GALNT10: variants seen among roughly 807,000 people sequenced by gnomAD.
GALNT10 encodes GalNAc transferase 10.
In GALNT10, 41 loss-of-function variants were observed where a neutral mutation model predicts 75.0. The observed-to-expected ratio is 0.55, with a 90% confidence interval of 0.43 to 0.71. The LOEUF is 0.71. Ranked by LOEUF, GALNT10 falls within the 30% of genes least tolerant of loss-of-function variation. The pLI is 0.00. For missense variants in GALNT10, 727 were observed against 818.5 expected (o/e 0.89, Z 1.36); for synonymous variants, 302 against 313.0 (o/e 0.96, Z 0.37).
intron 1 of GALNT10, among the ~76,000 whole-genome samples, chr5:154,212,966 TCAAA>T (rs1752786944): frequency 6.9e-6 from 1 of 145,678 alleles, no homozygotes; most frequent in African/African-American, 2.5e-5. Flanking sequence ...AGATTCCATC[TCAAA>T]AAAAAAAAAA....
intron 3 of GALNT10, among the ~76,000 whole-genome samples, chr5:154,303,510 T>A (rs153430): frequency 0.99 from 150,394 of 152,340 alleles, 74,240 homozygotes; most frequent in Middle Eastern, 1. Context: ...CTAAAGGGCT[T>A]TAGGGAACAG....
intron 1 of GALNT10, among the ~76,000 whole-genome samples, chr5:154,225,254 G>A (rs1200672788): frequency 6.6e-6 from 1 of 151,628 alleles, no homozygotes; most frequent in African/African-American, 2.4e-5. Context: ...CACCATGCCC[G>A]GCTAATTTTT....
intron 3 of GALNT10, among the ~76,000 whole-genome samples, chr5:154,307,555 G>T (rs1014713685): frequency 6.6e-6 from 1 of 151,144 alleles, no homozygotes; most frequent in African/African-American, 2.4e-5. Flanking sequence ...AGGAGGTGGA[G>T]CTTGCAGTGA....
intron 1 of GALNT10, among the ~76,000 whole-genome samples, chr5:154,280,701 C>T (rs1055162399): frequency 6.6e-6 from 1 of 152,154 alleles, no homozygotes; most frequent in Non-Finnish European, 1.5e-5. Context: ...AAACCTTTGC[C>T]TAAACCAAAG....
intron 4 of GALNT10, among the ~76,000 whole-genome samples, chr5:154,339,746 T>C (rs1172614778): frequency 6.6e-6 from 1 of 152,220 alleles, no homozygotes; most frequent in Non-Finnish European, 1.5e-5. Flanking sequence ...AGTAAGAGTG[T>C]GGTAAATCAC....
At chr5:154,191,353 A>G (rs964102201) in intron 1 of GALNT10, among the ~76,000 whole-genome samples, 4 of 151,762 alleles carry the variant, frequency 2.6e-5, no homozygotes, top group African/African-American at 9.7e-5. Flanking sequence ...GTATCCCAGG[A>G]TGACTCCTGC....
At chr5:154,263,945 C>T (rs1337007114) in intron 1 of GALNT10, among the ~76,000 whole-genome samples, 5 of 152,112 alleles carry the variant, frequency 3.3e-5, no homozygotes, top group Non-Finnish European at 5.9e-5. Flanking sequence ...GTTTATACAA[C>T]TTTATAAGAA....
At chr5:154,233,284 A>G (rs962713937) in intron 1 of GALNT10, among the ~76,000 whole-genome samples, 1 of 152,158 alleles carries the variant, frequency 6.6e-6, no homozygotes, top group African/African-American at 2.4e-5. Flanking sequence ...GGTTGTATCA[A>G]TGTTAACTTG....
Position 154,409,465 on chromosome 5 carries a change from C to T in GALNT10, c.1165-76C>T. On this transcript the variant is annotated intron_variant, in intron 8 of 11. Coordinates refer to ENST00000297107, the MANE Select transcript of GALNT10 (RefSeq NM_198321.4). The surrounding 1 kb of genome is among the most constrained non-coding windows in gnomAD (Gnocchi z 4.5). ...ATAAGAAGGGTTGACCTCGACCTGC[C>T]AGGACCCTTTTCACCCCACTGCCTG... 2.1e-6 allele frequency: 2 copies of T among 948,004 alleles called. No homozygotes were observed. The highest frequency in any genetic ancestry group is 3.5e-6 in the Non-Finnish European group (2 of 571,416). The allele number at this position is 948,004 out of a possible 1,614,324, so 58.7% of individuals were successfully genotyped here.
chr5:154,354,726 C>T (rs1755261795), intron 4 of GALNT10, among the ~76,000 whole-genome samples: 1 of 152,148 alleles, frequency 6.6e-6, no homozygotes, highest in Admixed American at 6.5e-5. Context: ...TTACAGAAGG[C>T]ACACATCTTT....
chr5:154,195,040 A>C (rs1463387778), intron 1 of GALNT10, among the ~76,000 whole-genome samples: 1 of 152,206 alleles, frequency 6.6e-6, no homozygotes, highest in Admixed American at 6.5e-5. Flanking sequence ...TAGTCTAAGG[A>C]TGTTCAGCCT....
rs192544475 is a variant in GALNT10, at chr5:154,419,261, G to A, written c.*2289G>A. On this transcript the variant is annotated 3_prime_UTR_variant, in exon 12 of 12. Coordinates refer to ENST00000297107, the MANE Select transcript of GALNT10 (RefSeq NM_198321.4). ...AAGTCACACTCCAAACTAAAGGCTGGGCAGTGCGTTTAGTCTGTGGCCTAG... is the reference window on the plus strand; with the variant it reads ...AAGTCACACTCCAAACTAAAGGCTGAGCAGTGCGTTTAGTCTGTGGCCTAG... The A allele has an allele frequency of 1.3e-5, 2 of 152,156 alleles. No individual in the cohort carries two copies. The highest frequency in any genetic ancestry group is 1.9e-4 in the East Asian group (1 of 5,158). The allele number at this position is 152,156 out of a possible 1,614,324, so 9.4% of individuals were successfully genotyped here.
At chr5:154,194,679 GC>G (rs1252315071) in intron 1 of GALNT10, among the ~76,000 whole-genome samples, 94 of 152,308 alleles carry the variant, frequency 6.2e-4, no homozygotes, top group African/African-American at 2.0e-3. Flanking sequence ...GCTAAGTGAG[GC>G]TTAGATTCAG....
At chr5:154,385,235 C>T (rs144987229) in intron 6 of GALNT10, among the ~76,000 whole-genome samples, 155 of 152,286 alleles carry the variant, frequency 1.0e-3, no homozygotes, top group African/African-American at 3.7e-3. Flanking sequence ...ACACAGCAAA[C>T]GCTGGTTGGC....
At chr5:154,403,808 C>G in intron 7 of GALNT10, 1 of 406,010 alleles carries the variant, frequency 2.5e-6, no homozygotes, top group East Asian at 5.8e-5. Flanking sequence ...GCCTCCATTT[C>G]AGCATCTGTA....
At position 154,291,345 on chromosome 5, in the gene GALNT10, G is replaced by A. The variant is rs545317805; in HGVS notation, c.160-3471G>A. On this transcript the variant is annotated intron_variant, in intron 1 of 11. Coordinates refer to ENST00000297107, the MANE Select transcript of GALNT10 (RefSeq NM_198321.4). The stretch of plus-strand genomic sequence containing the variant: ...GGTTGCCTAACCCTTGCTACTCAAA[G>A]TGTCTTTTTTGGCCCAGCAGCGTCA... Among the ~76,000 whole-genome samples the A allele has an allele frequency of 3.3e-5, 5 of 152,250 alleles. No individual in the cohort carries two copies. The South Asian group carries it at 8.3e-4, about 25-fold the overall frequency.
At chr5:154,216,886 A>T (rs756736985) in intron 1 of GALNT10, among the ~76,000 whole-genome samples, 31 of 152,242 alleles carry the variant, frequency 2.0e-4, no homozygotes, top group Admixed American at 7.2e-4. Context: ...AGACCCTGGC[A>T]GCTTTTACTT....
intron 1 of GALNT10, among the ~76,000 whole-genome samples, chr5:154,213,939 T>C (rs996538917): frequency 6.6e-6 from 1 of 152,184 alleles, no homozygotes; most frequent in African/African-American, 2.4e-5. Context: ...GGGTCTCTTT[T>C]GCAAGAAGGA....
Position 154,371,972 on chromosome 5 carries a change from G to A in GALNT10, c.569-4305G>A, listed in dbSNP as rs141812825. 3.3e-5 allele frequency among the ~76,000 whole-genome samples: 5 copies of A among 152,218 alleles called. No homozygotes were observed. In the East Asian group the frequency reaches 7.7e-4, roughly 24 times the overall value. On this transcript the variant is annotated intron_variant, in intron 4 of 11. Coordinates refer to ENST00000297107, the MANE Select transcript of GALNT10 (RefSeq NM_198321.4). ...ACTCCATTCGCTTCCAAATCATCCCGTGGGCAGGGACAGAGATGAAACAAG... is the reference window on the plus strand; with the variant it reads ...ACTCCATTCGCTTCCAAATCATCCCATGGGCAGGGACAGAGATGAAACAAG...
Sources: allele counts gnomAD v4.1 joint callset (sites outside exome capture counted in the v4.1 genomes callset), GRCh38; gene constraint gnomAD v4.1.1; non-coding constraint Gnocchi (gnomAD v3.1); transcripts MANE v1.5; gene names NCBI Gene and HGNC (gene_info 2026-07-23, HGNC 2026-07-21).